SNX24: variants seen among roughly 807,000 people sequenced by gnomAD.
SNX24 encodes the protein sorting nexin-24.
SNX24 carries 22 observed loss-of-function variants against 28.7 expected under a neutral mutation model. The observed-to-expected ratio is 0.77, with a 90% CI of 0.55 to 1.10. The LOEUF is 1.10. Among genes scored for constraint, SNX24 ranks in the 50% least tolerant of loss-of-function variants. The pLI, the probability that SNX24 is intolerant of heterozygous loss-of-function variation, is 0.00. For synonymous variants in SNX24, 69 were observed against 71.5 expected (o/e 0.96, Z 0.18); for missense variants, 221 against 201.1 (o/e 1.10, Z -0.60).
In SNX24 at chr5:122,893,051, C is replaced by T. The variant is rs58292028; in HGVS notation, c.61-43683C>T. Among the ~76,000 whole-genome samples the T allele has an allele frequency of 6.4e-3, 972 of 152,278 alleles. 6 individuals are homozygous for T. The highest frequency in any genetic ancestry group is 0.022 in the African/African-American group (916 of 41,556). On this transcript the variant is annotated intron_variant, in intron 1 of 6. Transcript: ENST00000261369. ...AAAGTGCTGGGATTACAGGCATGAG[C>T]CGCTGCACTCGGCCCCGTTTCCTCT... is the stretch of plus-strand genomic sequence containing the variant.
At chr5:122,930,036 T>C (rs1426788202) in intron 1 of SNX24, among the ~76,000 whole-genome samples, 1 of 152,208 alleles carries the variant, frequency 6.6e-6, no homozygotes, top group African/African-American at 2.4e-5. Flanking sequence ...TATCAAACTT[T>C]GAAGACATTT....
chr5:122,881,918 A>G (rs1021330546), intron 1 of SNX24, among the ~76,000 whole-genome samples: 1 of 151,648 alleles, frequency 6.6e-6, no homozygotes, highest in Non-Finnish European at 1.5e-5. Flanking sequence ...TTGTGAAACA[A>G]TTCACCTGCA....
intron 1 of SNX24, among the ~76,000 whole-genome samples, chr5:122,857,224 C>T (rs1678645163): frequency 6.6e-6 from 1 of 151,872 alleles, no homozygotes; most frequent in African/African-American, 2.4e-5. Flanking sequence ...GTTGGTCAGG[C>T]TGGTCTCCAA....
intron 1 of SNX24, among the ~76,000 whole-genome samples, chr5:122,902,023 A>G (rs1486434073): frequency 6.6e-6 from 1 of 152,190 alleles, no homozygotes; most frequent in Non-Finnish European, 1.5e-5. Context: ...CAGTTTTCCA[A>G]CCTAAAACAT....
chr5:122,929,200 C>G lies in SNX24; in HGVS notation c.61-7534C>G, dbSNP rs62377388. Reference sequence around the variant, plus strand: ...GGTGTCTCTTCACTGCCTGGCTGTACCACAGTCAGCTGCTTCCGGCCTCTC... The same window carrying G: ...GGTGTCTCTTCACTGCCTGGCTGTAGCACAGTCAGCTGCTTCCGGCCTCTC... On this transcript the variant is annotated intron_variant, in intron 1 of 6. Coordinates refer to ENST00000261369, the MANE Select transcript of SNX24 (RefSeq NM_014035.4). Among the ~76,000 whole-genome samples, 308 of 152,180 alleles carry G rather than the reference C, an allele frequency of 2.0e-3. 2 individuals carry two copies. Among genetic ancestry groups the G allele is most frequent in the Admixed American group, 3.8e-3 (58 of 15,288 alleles).
intron 5 of SNX24, among the ~76,000 whole-genome samples, chr5:123,017,956 A>T (rs55675136): frequency 0.042 from 6,386 of 152,152 alleles, 196 homozygotes; most frequent in East Asian, 0.099. Context: ...TACTTACTGA[A>T]CATTAATTAG....
chr5:122,941,129 C>T (rs1759427229), intron 2 of SNX24, among the ~76,000 whole-genome samples: 1 of 152,150 alleles, frequency 6.6e-6, no homozygotes, highest in African/African-American at 2.4e-5. Flanking sequence ...ATCCCCTTTT[C>T]CTTGTCCTTC....
intron 3 of SNX24, among the ~76,000 whole-genome samples, chr5:122,971,862 C>G (rs1461021668): frequency 8.6e-6 from 1 of 116,244 alleles, no homozygotes; most frequent in African/African-American, 3.7e-5. Flanking sequence ...GCCAGCACCT[C>G]AGTGGGTCAT....
chr5:122,986,861 GTGGA>G (rs1198383323), intron 3 of SNX24, among the ~76,000 whole-genome samples: 2 of 96,620 alleles, frequency 2.1e-5, no homozygotes, highest in African/African-American at 8.1e-5. Context: ...GGGTGGGTGG[GTGGA>G]TGGATGGATG....
At position 122,891,901 on chromosome 5, in the gene SNX24, C is replaced by A. The variant is rs6888023; in HGVS notation, c.61-44833C>A. ...TGTAAGTTGGAGACTGTTGAGTGAC[C>A]AAAAGTTTGCTTCTCTCATTGAAAT... On this transcript the variant is annotated intron_variant, in intron 1 of 6. Transcript: ENST00000261369. Among the ~76,000 whole-genome samples, 5 of 151,980 alleles carry A rather than the reference C, an allele frequency of 3.3e-5. No individual in the cohort carries two copies. The East Asian group carries it at 9.7e-4, about 29-fold the overall frequency.
intron 1 of SNX24, among the ~76,000 whole-genome samples, chr5:122,886,698 C>T (rs1421184568): frequency 6.6e-6 from 1 of 151,772 alleles, no homozygotes; most frequent in Non-Finnish European, 1.5e-5. Flanking sequence ...GGCGTGGTGG[C>T]AGGCGCCTGT....
chr5:122,883,826 T>A (rs1178504985), intron 1 of SNX24, among the ~76,000 whole-genome samples: 6 of 151,914 alleles, frequency 3.9e-5, no homozygotes, highest in Non-Finnish European at 2.9e-5. Context: ...GCTAATTTTT[T>A]AAAATTTTTG....
At chr5:122,853,682 C>G (rs1755042400) in intron 1 of SNX24, 1 of 401,202 alleles carries the variant, frequency 2.5e-6, no homozygotes, top group South Asian at 1.8e-5. Flanking sequence ...AGGTGAGGGT[C>G]TTGCAGTGTT....
At chr5:122,890,769 C>G (rs2150070281) in intron 1 of SNX24, among the ~76,000 whole-genome samples, 1 of 152,238 alleles carries the variant, frequency 6.6e-6, no homozygotes, top group East Asian at 1.9e-4. Context: ...CCGCACCCGG[C>G]CTAGAGGGAA....
At chr5:122,926,839 C>T (rs1361992775) in intron 1 of SNX24, among the ~76,000 whole-genome samples, 1 of 152,154 alleles carries the variant, frequency 6.6e-6, no homozygotes, top group Non-Finnish European at 1.5e-5. Context: ...GAATGGGCAT[C>T]GGCAGAGGTG....
In SNX24 at chr5:123,009,062, G is replaced by C. The variant is rs1392425482; in HGVS notation, c.*1313G>C. On this transcript the variant is annotated 3_prime_UTR_variant, in exon 7 of 7. Transcript: ENST00000261369. Reference sequence around the variant, plus strand: ...TGCAAACTTTTAAAATATTATGATAGATTCTGTACTACATGTGGGAAACAA... The same window carrying C: ...TGCAAACTTTTAAAATATTATGATACATTCTGTACTACATGTGGGAAACAA... 5 of 985,300 alleles carry C rather than the reference G, an allele frequency of 5.1e-6. No homozygotes were observed. The highest frequency in any genetic ancestry group is 6.0e-6 in the Non-Finnish European group (5 of 829,542). 61.0% of individuals were successfully genotyped at this position (985,300 alleles called of 1,614,324 possible).
At chr5:122,999,152 A>T (rs1762156084) in intron 3 of SNX24, among the ~76,000 whole-genome samples, 1 of 152,148 alleles carries the variant, frequency 6.6e-6, no homozygotes, top group African/African-American at 2.4e-5. Context: ...TCTTTGTCAG[A>T]TTTCTCCTTG....
downstream of SNX24, among the ~76,000 whole-genome samples, chr5:123,013,093 A>G (rs1055224755): frequency 1.3e-5 from 2 of 152,220 alleles, no homozygotes; most frequent in African/African-American, 4.8e-5. Flanking sequence ...ATGAGGTCAC[A>G]GGAAAAGACC....
intron 1 of SNX24, among the ~76,000 whole-genome samples, chr5:122,857,709 C>T (rs1207293660): frequency 6.6e-6 from 1 of 152,172 alleles, no homozygotes; most frequent in Non-Finnish European, 1.5e-5. Flanking sequence ...CGGCCTCCAG[C>T]TTCATCCATG....
Sources: allele counts gnomAD v4.1 joint callset (sites outside exome capture counted in the v4.1 genomes callset), GRCh38; gene constraint gnomAD v4.1.1; transcripts MANE v1.5; gene names NCBI Gene and HGNC (gene_info 2026-07-23, HGNC 2026-07-21).